Variants in PAPPA2 observed in about 807,000 individuals in gnomAD.
The protein encoded by PAPPA2 is pappalysin-2.
A neutral mutation model predicts 176.4 loss-of-function variants in PAPPA2; 86 were observed. That is an observed-to-expected ratio of 0.49 (90% CI 0.41 to 0.58). The LOEUF is 0.58. PAPPA2 is among the 20% of genes least tolerant of loss of function. The probability of loss-of-function intolerance (pLI) is 0.00; values close to 1 mark genes in which losing one functional copy is unlikely to be tolerated. For missense variants in PAPPA2, 2,073 were observed against 2,256.9 expected (o/e 0.92, Z 1.65); for synonymous variants, 809 against 852.2 (o/e 0.95, Z 0.88).
chr1:176,639,275 A>G (rs1430331795), intron 3 of PAPPA2, among the ~76,000 whole-genome samples: 1 of 152,036 alleles, frequency 6.6e-6, no homozygotes, highest in Non-Finnish European at 1.5e-5. Context: ...AAAGTAGACC[A>G]AATTCTGCCT....
At chr1:176,639,726 T>G (rs10913226) in intron 3 of PAPPA2, among the ~76,000 whole-genome samples, 37,772 of 151,408 alleles carry the variant, frequency 0.25, 4,861 homozygotes, top group South Asian at 0.33. Flanking sequence ...TTTCTTTTTT[T>G]TTTTTGAGAT....
chr1:176,568,836 G>A (rs545610867), intron 2 of PAPPA2, among the ~76,000 whole-genome samples: 16 of 152,236 alleles, frequency 1.1e-4, no homozygotes, highest in Admixed American at 2.6e-4. Context: ...TCTCTAACCC[G>A]AGAGATCAAT....
Position 176,844,326 on chromosome 1 carries a change from G to A in PAPPA2, c.*1872G>A, listed in dbSNP as rs918378651. The A allele has an allele frequency of 2.6e-5, 4 of 152,046 alleles. No homozygotes were observed. The highest frequency in any genetic ancestry group is 4.4e-5 in the Non-Finnish European group (3 of 68,018). The allele number at this position is 152,046 out of a possible 1,614,324, so 9.4% of individuals were successfully genotyped here. On this transcript the variant is annotated 3_prime_UTR_variant, in exon 23 of 23. Coordinates refer to ENST00000367662, the MANE Select transcript of PAPPA2 (RefSeq NM_020318.3). ...CACTAGAGCAATGGCTGTGCAAATA[G>A]GAATAGGAAATACTACCACAATGAT...
At chr1:176,536,742 C>T (rs568439662) in intron 1 of PAPPA2, among the ~76,000 whole-genome samples, 2 of 152,292 alleles carry the variant, frequency 1.3e-5, no homozygotes, top group East Asian at 3.9e-4. Flanking sequence ...TGCTTGGTCA[C>T]ATTTGCTAAC....
intron 1 of PAPPA2, among the ~76,000 whole-genome samples, chr1:176,531,594 C>A (rs920077885): frequency 6.6e-6 from 1 of 152,100 alleles, no homozygotes; most frequent in African/African-American, 2.4e-5. Flanking sequence ...ACTGTTCCAC[C>A]TTCATGAAGA....
intron 21 of PAPPA2, among the ~76,000 whole-genome samples, chr1:176,816,750 G>T (rs1666421825): frequency 6.6e-6 from 1 of 152,114 alleles, no homozygotes; most frequent in Non-Finnish European, 1.5e-5. Context: ...TTGGTGACCA[G>T]TGTGCTATTA....
chr1:176,708,820 T>C (rs186096616), intron 10 of PAPPA2, among the ~76,000 whole-genome samples: 2 of 152,286 alleles, frequency 1.3e-5, no homozygotes, highest in East Asian at 3.9e-4. Context: ...CTGTGAAGAA[T>C]TGAACATGAA....
rs187249606 is a variant in PAPPA2, at chr1:176,710,228, C to T, written c.3651+52C>T. On this transcript the variant is annotated intron_variant, in intron 11 of 22. Transcript: ENST00000367662. Reference sequence around the variant, plus strand: ...GAGCCTGCGCAAAATTGTAAAGTGACTCCCCCTATGCTTACACTTGGGGTC... The same window carrying T: ...GAGCCTGCGCAAAATTGTAAAGTGATTCCCCCTATGCTTACACTTGGGGTC... 2.0e-3 allele frequency: 2,978 copies of T among 1,508,318 alleles called. 5 individuals carry two copies. The highest frequency in any genetic ancestry group is 2.5e-3 in the Non-Finnish European group (2,758 of 1,096,222). 93.4% of individuals were successfully genotyped at this position (1,508,318 alleles called of 1,614,324 possible).
At chr1:176,616,061 C>A (rs1250913205) in intron 3 of PAPPA2, among the ~76,000 whole-genome samples, 1 of 152,164 alleles carries the variant, frequency 6.6e-6, no homozygotes, top group African/African-American at 2.4e-5. Context: ...CAGCAAGAAT[C>A]TTTTGCCAAA....
intron 20 of PAPPA2, among the ~76,000 whole-genome samples, chr1:176,795,917 A>C (rs890401431): frequency 2.6e-5 from 4 of 152,228 alleles, no homozygotes; most frequent in African/African-American, 9.7e-5. Context: ...GTTTTCCCAA[A>C]TTGTTCCCCA....
intron 1 of PAPPA2, among the ~76,000 whole-genome samples, chr1:176,495,798 A>ATT (rs112623029): frequency 2.2e-4 from 32 of 146,798 alleles, no homozygotes; most frequent in East Asian, 6.0e-4. Flanking sequence ...TTTGGTGTGA[A>ATT]TTTTTTTTTT....
chr1:176,511,973 A>G (rs1184429285), intron 1 of PAPPA2, among the ~76,000 whole-genome samples: 1 of 152,158 alleles, frequency 6.6e-6, no homozygotes, highest in Non-Finnish European at 1.5e-5. Context: ...AATTAAATCC[A>G]TAGATTAAAA....
intron 1 of PAPPA2, among the ~76,000 whole-genome samples, chr1:176,497,049 C>T (rs1366133019): frequency 6.6e-6 from 1 of 152,082 alleles, no homozygotes; most frequent in Admixed American, 6.6e-5. Context: ...ATTGCCAGGA[C>T]CTGTGACACA....
intron 2 of PAPPA2, 52 bp from the exon 3 acceptor site, chr1:176,594,472 C>T (rs1653835739): frequency 6.9e-7 from 1 of 1,450,040 alleles, no homozygotes; most frequent in Admixed American, 2.0e-5. Context: ...TTTCTCCATT[C>T]CCCTTTGTAT....
At chr1:176,649,997 T>C (rs1657623438) in intron 3 of PAPPA2, among the ~76,000 whole-genome samples, 2 of 151,644 alleles carry the variant, frequency 1.3e-5, no homozygotes, top group African/African-American at 4.8e-5. Context: ...GAATGGGCTG[T>C]TGAAGTCCCT....
At chr1:176,559,635 C>A (rs941161399) in intron 2 of PAPPA2, among the ~76,000 whole-genome samples, 5 of 152,342 alleles carry the variant, frequency 3.3e-5, no homozygotes, top group African/African-American at 1.2e-4. Flanking sequence ...CCTTCTCTTA[C>A]CATACAGCAC....
intron 20 of PAPPA2, among the ~76,000 whole-genome samples, chr1:176,796,255 G>C (rs1665420946): frequency 6.6e-6 from 1 of 152,176 alleles, no homozygotes; most frequent in Non-Finnish European, 1.5e-5. Context: ...AGACAAGAGC[G>C]TCTTGGAGGA....
chr1:176,507,906 G>T (rs1648375669), intron 1 of PAPPA2, among the ~76,000 whole-genome samples: 1 of 151,832 alleles, frequency 6.6e-6, no homozygotes, highest in South Asian at 2.1e-4. Flanking sequence ...TAAAGTAAAA[G>T]TTGAAATTTA....
At chr1:176,482,172 C>A (rs1306442928) in intron 1 of PAPPA2, among the ~76,000 whole-genome samples, 1 of 152,212 alleles carries the variant, frequency 6.6e-6, no homozygotes, top group Non-Finnish European at 1.5e-5. Flanking sequence ...AAGAGGACAG[C>A]CATTCAACGC....
Sources: allele counts gnomAD v4.1 joint callset (sites outside exome capture counted in the v4.1 genomes callset), GRCh38; gene constraint gnomAD v4.1.1; transcripts MANE v1.5; gene names NCBI Gene and HGNC (gene_info 2026-07-23, HGNC 2026-07-21).